SYNPR: variants seen among roughly 807,000 people sequenced by gnomAD.
The protein encoded by SYNPR is synaptoporin.
Under a neutral mutation model 32.9 loss-of-function variants are expected in SYNPR, and 23 were observed. The observed-to-expected ratio is 0.70, with a 90% CI of 0.50 to 0.99. SYNPR has a LOEUF of 0.99. SYNPR is among the 50% of genes least tolerant of loss of function. SYNPR has a pLI of 0.00. For synonymous variants in SYNPR, 146 were observed against 135.9 expected, an observed-to-expected ratio of 1.07 and a Z score of -0.52; for missense variants, 318 against 349.3, an observed-to-expected ratio of 0.91 and a Z score of 0.71.
intron 2 of SYNPR, among the ~76,000 whole-genome samples, chr3:63,450,106 C>T (rs1436871456): frequency 2.0e-5 from 3 of 152,298 alleles, no homozygotes; most frequent in Non-Finnish European, 4.4e-5. Context: ...GATCTACAGG[C>T]TTGGCTTTCT....
chr3:63,395,226 G>A (rs560058569), intron 2 of SYNPR, among the ~76,000 whole-genome samples: 1 of 152,152 alleles, frequency 6.6e-6, no homozygotes, highest in East Asian at 1.9e-4. Context: ...AAAGGTTATT[G>A]GAAATAATAT....
At chr3:63,372,191 A>G (rs2087821556) in intron 2 of SYNPR, among the ~76,000 whole-genome samples, 3 of 151,512 alleles carry the variant, frequency 2.0e-5, no homozygotes, top group Admixed American at 2.0e-4. Flanking sequence ...AAACACATAA[A>G]AACAAAGACT....
intron 2 of SYNPR, among the ~76,000 whole-genome samples, chr3:63,400,554 G>A (rs182320818): frequency 1.3e-4 from 20 of 152,314 alleles, no homozygotes; most frequent in African/African-American, 4.8e-4. Context: ...ATTCTACACA[G>A]CAAGAAACTT....
At chr3:63,248,617 G>C (rs564248709) in intron 1 of SYNPR, among the ~76,000 whole-genome samples, 28 of 152,200 alleles carry the variant, frequency 1.8e-4, no homozygotes, top group Admixed American at 1.5e-3. Context: ...GTTTATATGT[G>C]TGTTCTTTTA....
chr3:63,276,046 T>C (rs965254870), upstream of SYNPR, among the ~76,000 whole-genome samples: 2 of 152,210 alleles, frequency 1.3e-5, no homozygotes, highest in Admixed American at 6.5e-5. Context: ...TTGCTCAGCT[T>C]CATGTCCATC....
intron 2 of SYNPR, among the ~76,000 whole-genome samples, chr3:63,285,027 T>C (rs1216115940): frequency 3.3e-5 from 5 of 152,216 alleles, no homozygotes; most frequent in Admixed American, 6.5e-5. Flanking sequence ...TCTTAAATGC[T>C]ACACTCCTGC....
chr3:63,391,710 A>G (rs1245993771), intron 2 of SYNPR, among the ~76,000 whole-genome samples: 1 of 152,170 alleles, frequency 6.6e-6, no homozygotes, highest in East Asian at 1.9e-4. Context: ...GAGAAAATTG[A>G]GACAAAGGAA....
At chr3:63,581,697 A>T (rs1163295694) in intron 4 of SYNPR, among the ~76,000 whole-genome samples, 1 of 151,604 alleles carries the variant, frequency 6.6e-6, no homozygotes, top group African/African-American at 2.4e-5. Flanking sequence ...ACAAACCAAC[A>T]CCTTTATGCA....
At chr3:63,386,615 C>A (rs2088049401) in intron 2 of SYNPR, among the ~76,000 whole-genome samples, 2 of 151,914 alleles carry the variant, frequency 1.3e-5, no homozygotes, top group Admixed American at 6.6e-5. Context: ...TTCCTTCCTT[C>A]CTTCCTTCCT....
chr3:63,467,656 T>C (rs774729797), intron 2 of SYNPR, among the ~76,000 whole-genome samples: 31 of 152,204 alleles, frequency 2.0e-4, no homozygotes, highest in Non-Finnish European at 4.1e-4. Flanking sequence ...GTTGTGGTTA[T>C]TGTGATAAGA....
In SYNPR at chr3:63,479,373, T is replaced by A. The variant is rs76775951; in HGVS notation, c.85-1459T>A. 7.8e-3 allele frequency among the ~76,000 whole-genome samples: 1,192 copies of A among 152,264 alleles called. 14 individuals are homozygous for A. The highest frequency in any genetic ancestry group is 0.027 in the African/African-American group (1,102 of 41,528). ...TTTTACTCTTACTACAATCCTTATA[T>A]CTTTTGGTCAAGTTCTTTCCATTTT... On this transcript the variant is annotated intron_variant, in intron 2 of 5. Transcript: ENST00000478300.
chr3:63,473,194 T>C (rs73831832), intron 2 of SYNPR, among the ~76,000 whole-genome samples: 5,062 of 152,240 alleles, frequency 0.033, 129 homozygotes, highest in South Asian at 0.094. Context: ...CCCATTTTCC[T>C]GGTTTCTGCT....
chr3:63,411,193 G>C (rs1363141439), intron 2 of SYNPR, among the ~76,000 whole-genome samples: 1 of 152,102 alleles, frequency 6.6e-6, no homozygotes, highest in Non-Finnish European at 1.5e-5. Flanking sequence ...TTAATGGTGT[G>C]TGGGTGGGTG....
intron 4 of SYNPR, among the ~76,000 whole-genome samples, chr3:63,601,488 C>A (rs1397842784): frequency 6.6e-6 from 1 of 152,090 alleles, no homozygotes; most frequent in African/African-American, 2.4e-5. Flanking sequence ...TTGATCCTCA[C>A]CTTCCTCCCA....
rs550699690 is a variant in SYNPR at position 63,557,507 on chromosome 3, A to T, written c.408+766A>T. Among the ~76,000 whole-genome samples, 107 of 152,330 alleles carry T rather than the reference A, an allele frequency of 7.0e-4. 2 individuals are homozygous for T. Among genetic ancestry groups the T allele is most frequent in the Non-Finnish European group, 8.8e-5 (6 of 68,030 alleles). On this transcript the variant is annotated intron_variant, in intron 4 of 5. Transcript: ENST00000478300. ...ATATAAAACATTTGGGACACTGAAA[A>T]GGGGACCATTGAAATATTGGTGCTG...
At chr3:63,285,035 T>G (rs762616292) in intron 2 of SYNPR, among the ~76,000 whole-genome samples, 2 of 152,210 alleles carry the variant, frequency 1.3e-5, no homozygotes, top group Non-Finnish European at 2.9e-5. Flanking sequence ...GCTACACTCC[T>G]GCTTTTTCCA....
rs80343764 is a variant in SYNPR, at chr3:63,541,561, G to A, written c.210-14982G>A. On this transcript the variant is annotated intron_variant, in intron 3 of 5. Transcript: ENST00000478300. Reference sequence around the variant, plus strand: ...ATTTAAGATGGAAATCTTAACTTAGGGTGAATTTTTTCTTCATTAAAGGAG... The same window carrying A: ...ATTTAAGATGGAAATCTTAACTTAGAGTGAATTTTTTCTTCATTAAAGGAG... Among the ~76,000 whole-genome samples the A allele has an allele frequency of 1.2e-3, 180 of 151,980 alleles. 2 individuals carry two copies. In the South Asian group the frequency reaches 0.023, roughly 20 times the overall value.
chr3:63,468,330 T>C (rs1477553126), intron 2 of SYNPR, among the ~76,000 whole-genome samples: 1 of 152,180 alleles, frequency 6.6e-6, no homozygotes, highest in African/African-American at 2.4e-5. Context: ...TTTAAATCTT[T>C]AGACACATTT....
intron 3 of SYNPR, among the ~76,000 whole-genome samples, chr3:63,500,400 A>G (rs1224438612): frequency 1.3e-5 from 2 of 152,154 alleles, no homozygotes; most frequent in Non-Finnish European, 1.5e-5. Context: ...CTCACCGAGC[A>G]ATTGTGGGAT....
Sources: gnomAD v4.1 joint callset for allele counts (sites outside exome capture counted in the v4.1 genomes callset) on GRCh38, gnomAD v4.1.1 for gene constraint, MANE v1.5 for transcripts, NCBI Gene and HGNC (gene_info 2026-07-23, HGNC 2026-07-21) for gene names.